The following CPAMD8 variants were observed in gnomAD, a reference collection of about 807,000 sequenced individuals.
CPAMD8 encodes C3 and PZP like alpha-2-macroglobulin domain containing 8, also known as C3 and PZP-like alpha-2-macroglobulin domain-containing protein 8.
A neutral mutation model predicts 224.7 loss-of-function variants in CPAMD8; 146 were observed. The observed-to-expected ratio is 0.65, with a 90% CI of 0.57 to 0.75. The LOEUF is 0.75. CPAMD8 is among the 30% of genes least tolerant of loss of function. The probability of loss-of-function intolerance (pLI) is 0.00; values close to 1 mark genes in which losing one functional copy is unlikely to be tolerated. For synonymous variants in CPAMD8, 966 were observed against 1,044.6 expected (o/e 0.92, Z 1.45); for missense variants, 2,301 against 2,537.5 (o/e 0.91, Z 2.00).
At chr19:16,915,778 T>C (rs749799608) in intron 27 of CPAMD8, among the ~76,000 whole-genome samples, 2 of 152,200 alleles carry the variant, frequency 1.3e-5, no homozygotes, top group South Asian at 4.1e-4. Flanking sequence ...GCTCTTTATA[T>C]GAACCACAAA....
chr19:16,901,199 C>T lies in CPAMD8; in HGVS notation c.4773+11G>A, dbSNP rs758350677. 28 of 1,594,230 alleles carry T rather than the reference C, an allele frequency of 1.8e-5. 1 individual carries two copies. The highest frequency in any genetic ancestry group is 8.0e-5 in the South Asian group (7 of 87,680). On this transcript the variant is annotated intron_variant, in intron 36 of 41. Transcript: ENST00000443236. ...ATCCCTGCCCACCGCTGCTCACCGG[C>T]GCTGCCTCACCTGCTCCAGGCTCTC...
chr19:16,901,145 G>C (rs2052239560), intron 36 of CPAMD8, 65 bp downstream of exon 36: 2 of 1,107,016 alleles, frequency 1.8e-6, no homozygotes, highest in African/African-American at 1.6e-5. Context: ...CCTGACCCTG[G>C]GTGCCTAAGC....
At chr19:16,919,988 T>A (rs976806648) in intron 27 of CPAMD8, among the ~76,000 whole-genome samples, 2 of 152,140 alleles carry the variant, frequency 1.3e-5, no homozygotes, top group African/African-American at 4.8e-5. Context: ...GATCATCGGG[T>A]CTAAGGCCAC....
chr19:16,910,125 T>C (rs953742030), intron 29 of CPAMD8, among the ~76,000 whole-genome samples: 3 of 152,092 alleles, frequency 2.0e-5, no homozygotes, highest in Non-Finnish European at 2.9e-5. Flanking sequence ...GTGCTGAGAT[T>C]ATAGGCATGA....
chr19:17,010,164 C>T (rs2056607595), intron 5 of CPAMD8, among the ~76,000 whole-genome samples: 1 of 152,196 alleles, frequency 6.6e-6, no homozygotes, highest in African/African-American at 2.4e-5. Context: ...ACTATTGGAA[C>T]AACATGGATT....
chr19:16,989,844 T>TAA, intron 12 of CPAMD8, 73 bp from the exon 13 acceptor site: 1 of 1,449,524 alleles, frequency 6.9e-7, no homozygotes, highest in Non-Finnish European at 9.6e-7. Flanking sequence ...ATGCTTCTGC[T>TAA]TGCTCTGCCC....
chr19:16,895,991 G>A lies in CPAMD8; in HGVS notation c.5426+185C>T, dbSNP rs867167594. ...TGTTGCGTGGGCCAGGGTGGAGGGA[G>A]GATGAATGTCCCACTTTGTCCCCAG... is the stretch of plus-strand genomic sequence containing the variant. On this transcript the variant is annotated intron_variant, in intron 41 of 41. Transcript: ENST00000443236. 4 of 733,400 alleles carry A rather than the reference G, an allele frequency of 5.5e-6. No individual in the cohort carries two copies. The Middle Eastern group carries it at 7.8e-4, about 143-fold the overall frequency. The allele number at this position is 733,400 out of a possible 1,614,324, so 45.4% of individuals were successfully genotyped here.
chr19:16,925,485 C>A, intron 25 of CPAMD8, 113 bp from the exon 26 acceptor site: 1 of 857,246 alleles, frequency 1.2e-6, no homozygotes, highest in Non-Finnish European at 1.9e-6. Flanking sequence ...AGCCACCCAA[C>A]TGCCCTTTGG....
At chr19:17,021,824 AG>A (rs2056965043) in intron 2 of CPAMD8, among the ~76,000 whole-genome samples, 1 of 152,232 alleles carries the variant, frequency 6.6e-6, no homozygotes, top group Non-Finnish European at 1.5e-5. Flanking sequence ...CCATGAGCTG[AG>A]CTGCCCATCC....
At chr19:16,997,002 T>C in intron 11 of CPAMD8, 109 bp downstream of exon 11, 2 of 723,202 alleles carry the variant, frequency 2.8e-6, no homozygotes, top group South Asian at 1.6e-5. Context: ...GCAAAGGTTA[T>C]GTCAGGGGAT....
At chr19:17,013,135 C>T (rs543392020) in intron 3 of CPAMD8, among the ~76,000 whole-genome samples, 5 of 151,900 alleles carry the variant, frequency 3.3e-5, no homozygotes, top group South Asian at 2.1e-4. Context: ...GAGCCCAGAT[C>T]GCAACATTGC....
chr19:17,007,028 T>G (rs2056510524), intron 7 of CPAMD8, among the ~76,000 whole-genome samples: 1 of 152,032 alleles, frequency 6.6e-6, no homozygotes, highest in South Asian at 2.1e-4. Flanking sequence ...ACAGGGAAGA[T>G]GGAACAGAAG....
intron 29 of CPAMD8, chr19:16,910,696 A>G (rs1293255381): frequency 1.3e-5 from 2 of 150,776 alleles, no homozygotes; most frequent in African/African-American, 4.9e-5. Flanking sequence ...GGTGCAGTGC[A>G]CTACAGCCCA....
intron 29 of CPAMD8, chr19:16,907,361 A>G (rs1282891228): frequency 6.8e-6 from 2 of 295,634 alleles, no homozygotes; most frequent in Non-Finnish European, 1.1e-5. Context: ...TAATCCCAGC[A>G]CTTTGGGAGG....
chr19:17,014,040 T>TC (rs201172701), intron 3 of CPAMD8, among the ~76,000 whole-genome samples: 4 of 81,988 alleles, frequency 4.9e-5, no homozygotes, highest in Middle Eastern at 6.2e-3. Flanking sequence ...TCTTTCTTTC[T>TC]TTCTCTTTCT....
Position 17,004,179 on chromosome 19 carries a change from TA to T in CPAMD8, c.673+93del, listed in dbSNP as rs959538373. ...CCTGGGCCTCCGAAAGTGCTGGGAT[TA>T]CAGGCGAGAGCCCTTGCACCCGGCC... is the stretch of plus-strand genomic sequence containing the variant. On this transcript the variant is annotated intron_variant, in intron 8 of 41. Transcript: ENST00000443236. 6.3e-6 allele frequency: 5 copies of T among 793,694 alleles called. No homozygotes were observed. The African/African-American group carries it at 8.6e-5, about 14-fold the overall frequency. 49.2% of individuals were successfully genotyped at this position (793,694 alleles called of 1,614,324 possible).
intron 5 of CPAMD8, 76 bp from the exon 6 acceptor site, chr19:17,009,396 C>T: frequency 6.2e-7 from 1 of 1,610,936 alleles, no homozygotes; most frequent in Middle Eastern, 1.7e-4. Flanking sequence ...CATGCATGGC[C>T]TCGGTCCCCG....
chr19:16,991,206 G>A (rs560060600), intron 12 of CPAMD8, among the ~76,000 whole-genome samples: 13 of 152,228 alleles, frequency 8.5e-5, no homozygotes, highest in African/African-American at 3.1e-4. Flanking sequence ...AACACACAAA[G>A]CTTCCAATCT....
rs545248967 is a variant in CPAMD8, at chr19:16,942,815, G to A, written c.2793+2734C>T. Among the ~76,000 whole-genome samples the A allele has an allele frequency of 7.9e-5, 12 of 152,210 alleles. No homozygotes were observed. In the South Asian group the frequency reaches 2.5e-3, roughly 32 times the overall value. On this transcript the variant is annotated intron_variant, in intron 22 of 41. Coordinates refer to ENST00000443236, the MANE Select transcript of CPAMD8 (RefSeq NM_015692.5). ...TTGTCTCTGTGCTCTTTCTGGCTTG[G>A]GGCCAGATCTCAGAACACGGAGCCT...
Sources: gnomAD v4.1 joint callset for allele counts (sites outside exome capture counted in the v4.1 genomes callset) on GRCh38, gnomAD v4.1.1 for gene constraint, MANE v1.5 for transcripts, NCBI Gene and HGNC (gene_info 2026-07-23, HGNC 2026-07-21) for gene names.